Variants in TNPO3 observed in about 807,000 individuals in gnomAD.
TNPO3 encodes the protein transportin 3.
In TNPO3, 65 loss-of-function variants were observed where a neutral mutation model predicts 122.8. The ratio of observed to expected loss-of-function variants is 0.53; its 90% CI spans 0.43 to 0.65. The LOEUF is 0.65. Ranked by LOEUF, TNPO3 falls within the 30% of genes least tolerant of loss-of-function variation. The pLI is 0.00. For synonymous variants in TNPO3, 372 were observed against 411.2 expected (o/e 0.90, Z 1.15); for missense variants, 850 against 1,136.7 (o/e 0.75, Z 3.63).
At chr7:129,045,592 A>G (rs1262589813) in intron 1 of TNPO3, among the ~76,000 whole-genome samples, 1 of 152,172 alleles carries the variant, frequency 6.6e-6, no homozygotes, top group Admixed American at 6.6e-5. Flanking sequence ...TTTCCTCCAT[A>G]AACATCAGTG....
At position 128,997,416 on chromosome 7, in the gene TNPO3, A is replaced by G; in HGVS notation, c.1131T>C (p.Ala377=). ...AYIQRLLHAL[A]RHCQLEPDHE... Reference sequence around the variant, plus strand: ...GGTCTGGTTCCAGCTGGCAGTGTCGAGCCAAGGCGTGAAGCAGCCTCTGAA... The same window carrying G: ...GGTCTGGTTCCAGCTGGCAGTGTCGGGCCAAGGCGTGAAGCAGCCTCTGAA... Residue 377 remains alanine, a synonymous_variant, in exon 8 of 23, where the codon GCT becomes GCC. Transcript: ENST00000265388. The G allele has an allele frequency of 6.2e-7, 1 of 1,614,206 alleles. No individual in the cohort carries two copies. The highest frequency in any genetic ancestry group is 8.5e-7 in the Non-Finnish European group (1 of 1,180,012).
In TNPO3 at chr7:129,018,171, A is replaced by G. The variant is rs1034453199; in HGVS notation, c.121-14T>C. 1 of 1,612,890 alleles carries G rather than the reference A, an allele frequency of 6.2e-7. No homozygotes were observed. The highest frequency in any genetic ancestry group is 1.3e-5 in the African/African-American group (1 of 74,892). ...CCATGCATGAACCTGAAAGCGTATT[A>G]GACAAAGATGTCTTAAAGAAGACTA... is the stretch of plus-strand genomic sequence containing the variant. On this transcript the variant is annotated splice_polypyrimidine_tract_variant and intron_variant, in intron 1 of 22. Coordinates refer to ENST00000265388, the MANE Select transcript of TNPO3 (RefSeq NM_012470.4).
chr7:129,050,910 G>A (rs574304876), intron 1 of TNPO3, among the ~76,000 whole-genome samples: 1 of 152,296 alleles, frequency 6.6e-6, no homozygotes, highest in South Asian at 2.1e-4. Flanking sequence ...AGTGGATCCA[G>A]CACAACAAAG....
chr7:129,048,552 G>A (rs570848219), intron 1 of TNPO3, among the ~76,000 whole-genome samples: 14 of 151,642 alleles, frequency 9.2e-5, no homozygotes, highest in African/African-American at 3.4e-4. Flanking sequence ...AACAAAGAGA[G>A]CCTTATTGAG....
intron 1 of TNPO3, among the ~76,000 whole-genome samples, chr7:129,049,883 T>C (rs1272505641): frequency 6.6e-6 from 1 of 151,912 alleles, no homozygotes; most frequent in East Asian, 1.9e-4. Context: ...ACTGGGGAAT[T>C]GGAAGCACAG....
At chr7:128,959,551 T>C (rs776983193) in intron 21 of TNPO3, among the ~76,000 whole-genome samples, 1 of 152,160 alleles carries the variant, frequency 6.6e-6, no homozygotes, top group African/African-American at 2.4e-5. Context: ...AGAAAAAGTA[T>C]TGAAACTGAA....
At chr7:129,025,371 A>C (rs1805008096) in intron 1 of TNPO3, among the ~76,000 whole-genome samples, 8 of 136,228 alleles carry the variant, frequency 5.9e-5, no homozygotes, top group Middle Eastern at 3.6e-3. Context: ...AAAAAAAAAA[A>C]AAAAAAAAAA....
At chr7:129,050,239 C>T (rs1808560123) in intron 1 of TNPO3, among the ~76,000 whole-genome samples, 3 of 151,696 alleles carry the variant, frequency 2.0e-5, no homozygotes, top group Admixed American at 2.0e-4. Flanking sequence ...AAAAAATTAG[C>T]TGGGCATGGT....
At chr7:129,002,602 CATT>C (rs1408987569) in intron 5 of TNPO3, among the ~76,000 whole-genome samples, 2 of 152,264 alleles carry the variant, frequency 1.3e-5, no homozygotes, top group East Asian at 3.9e-4. Flanking sequence ...CAAAGATTCT[CATT>C]ATATTACCAA....
chr7:128,975,993 C>T (rs970849185), intron 16 of TNPO3, 58 bp from the exon 17 acceptor site: 13 of 1,197,136 alleles, frequency 1.1e-5, no homozygotes, highest in African/African-American at 3.0e-5. Context: ...TACCAACTTA[C>T]GAAGCTGTCT....
intron 1 of TNPO3, among the ~76,000 whole-genome samples, chr7:129,025,070 C>T (rs1046005002): frequency 1.3e-5 from 2 of 151,638 alleles, no homozygotes; most frequent in Non-Finnish European, 2.9e-5. Flanking sequence ...AAAAACAGGC[C>T]GGGCGCAGTG....
chr7:129,049,471 G>C (rs1184746487), intron 1 of TNPO3, among the ~76,000 whole-genome samples: 1 of 152,138 alleles, frequency 6.6e-6, no homozygotes, highest in African/African-American at 2.4e-5. Flanking sequence ...ATCCACATTT[G>C]GTAAGGAGAG....
chr7:129,046,432 T>G (rs956697359), intron 1 of TNPO3, among the ~76,000 whole-genome samples: 3 of 152,114 alleles, frequency 2.0e-5, no homozygotes, highest in African/African-American at 7.2e-5. Flanking sequence ...ATTTTCTATT[T>G]TCTAGAAGGC....
In TNPO3 at chr7:129,017,072, T is replaced by C. The variant is rs768458902; in HGVS notation, c.322-16A>G. On this transcript the variant is annotated splice_polypyrimidine_tract_variant and intron_variant, in intron 2 of 22. Coordinates refer to ENST00000265388, the MANE Select transcript of TNPO3 (RefSeq NM_012470.4). Reference sequence around the variant, plus strand: ...CTAAAGCCAGCTGAATAAGAGAGATTAAATAAATGAAGACAGATGAACAGA... The same window carrying C: ...CTAAAGCCAGCTGAATAAGAGAGATCAAATAAATGAAGACAGATGAACAGA... The C allele has an allele frequency of 6.9e-6, 11 of 1,605,414 alleles. No homozygotes were observed. Among genetic ancestry groups the C allele is most frequent in the Non-Finnish European group, 9.4e-6 (11 of 1,175,732 alleles).
At chr7:129,051,145 T>TA (rs77733877) in intron 1 of TNPO3, among the ~76,000 whole-genome samples, 35,825 of 147,368 alleles carry the variant, frequency 0.24, 4,540 homozygotes, top group South Asian at 0.32. Flanking sequence ...AACAAAATGT[T>TA]AAAAAAAAAA....
rs1554439189 is a variant in TNPO3 at position 128,997,443 on chromosome 7, G to A, written c.1104C>T (p.Tyr368=). The change falls in exon 8 of 23, where the codon TAC becomes TAT. Residue 368 remains tyrosine (Y), a synonymous_variant. Transcript: ENST00000265388. ...CCAAGGCGTGAAGCAGCCTCTGAAT[G>A]TAAGCTTTGAAGATGCCATGAATAA... ...DEVIHGIFKA[Y]IQRLLHALAR... is the part of the protein sequence containing the mutation. 6.2e-7 allele frequency: 1 copy of A among 1,614,204 alleles called. No homozygotes were observed. The highest frequency in any genetic ancestry group is 8.5e-7 in the Non-Finnish European group (1 of 1,180,012).
At chr7:128,992,288 C>A (rs999648293) in intron 9 of TNPO3, among the ~76,000 whole-genome samples, 198 bp from the exon 10 acceptor site, 5 of 151,930 alleles carry the variant, frequency 3.3e-5, no homozygotes, top group Non-Finnish European at 7.4e-5. Context: ...TTGAAATAAA[C>A]CCATTTAGAC....
chr7:129,056,093 C>T, upstream of TNPO3: 1 of 1,115,902 alleles, frequency 9.0e-7, no homozygotes, highest in Non-Finnish European at 1.4e-6. Flanking sequence ...TGGGGGAGCT[C>T]ATCGGCACTC....
intron 5 of TNPO3, among the ~76,000 whole-genome samples, chr7:129,003,165 G>A (rs912817589): frequency 1.3e-4 from 20 of 151,616 alleles, no homozygotes; most frequent in African/African-American, 4.4e-4. Context: ...GAAGGTTGCC[G>A]TGAGCCGAGA....
Sources: gnomAD v4.1 joint callset for allele counts (sites outside exome capture counted in the v4.1 genomes callset) on GRCh38, gnomAD v4.1.1 for gene constraint, MANE v1.5 for transcripts, NCBI Gene and HGNC (gene_info 2026-07-23, HGNC 2026-07-21) for gene names.